Variants in FMN2 observed in about 807,000 individuals in gnomAD.
FMN2 encodes the protein formin-2.
FMN2 carries 51 observed loss-of-function variants against 142.3 expected under a neutral mutation model. That is an observed-to-expected ratio of 0.36 (90% CI 0.29 to 0.45). The LOEUF (loss-of-function observed/expected upper bound fraction) is 0.45, where lower values mean the gene tolerates loss of function less well. Ranked by LOEUF, FMN2 falls within the 20% of genes least tolerant of loss-of-function variation. FMN2 has a pLI of 1.00. For synonymous variants in FMN2, 882 were observed against 869.8 expected (o/e 1.01, Z -0.25); for missense variants, 1,936 against 2,122.8 (o/e 0.91, Z 1.73).
At chr1:240,203,381 T>C (rs1455891639) in intron 4 of FMN2, among the ~76,000 whole-genome samples, 3 of 152,108 alleles carry the variant, frequency 2.0e-5, no homozygotes, top group Non-Finnish European at 4.4e-5. Flanking sequence ...GCAGCACTAG[T>C]CATAATAGCA....
chr1:240,116,980 T>G (rs568039187), intron 1 of FMN2, among the ~76,000 whole-genome samples: 28 of 148,362 alleles, frequency 1.9e-4, no homozygotes, highest in African/African-American at 5.7e-4. Context: ...GTTCTTTCGG[T>G]TTTTTTTTTA....
intron 15 of FMN2, among the ~76,000 whole-genome samples, chr1:240,400,363 A>G (rs554806008): frequency 1.3e-5 from 2 of 152,318 alleles, no homozygotes; most frequent in East Asian, 3.9e-4. Context: ...CAGAACAATA[A>G]GATATGTAAC....
chr1:240,179,663 G>C (rs551668831), intron 3 of FMN2: 3 of 152,366 alleles, frequency 2.0e-5, no homozygotes, highest in South Asian at 4.1e-4. Flanking sequence ...AATCAAGCAA[G>C]TAAAAGGACT....
At chr1:240,116,407 G>A (rs1297149079) in intron 1 of FMN2, among the ~76,000 whole-genome samples, 1 of 152,146 alleles carries the variant, frequency 6.6e-6, no homozygotes, top group East Asian at 1.9e-4. Flanking sequence ...TAAGCTGTGG[G>A]GTGAGCCAGG....
chr1:240,468,238 A>C (rs1676689146), intron 16 of FMN2, among the ~76,000 whole-genome samples: 1 of 127,012 alleles, frequency 7.9e-6, no homozygotes, highest in Non-Finnish European at 1.6e-5. Flanking sequence ...GTGTGTATTC[A>C]CACACACACA....
chr1:240,370,125 C>T (rs1440692955), intron 14 of FMN2, among the ~76,000 whole-genome samples: 4 of 152,108 alleles, frequency 2.6e-5, no homozygotes, highest in Non-Finnish European at 5.9e-5. Flanking sequence ...CTAGGTTTAG[C>T]GATGTCCTGA....
At chr1:240,166,465 G>A (rs1203421831) in intron 2 of FMN2, among the ~76,000 whole-genome samples, 1 of 152,022 alleles carries the variant, frequency 6.6e-6, no homozygotes, top group East Asian at 1.9e-4. Flanking sequence ...TCTGACCTCA[G>A]GCGATCCACC....
intron 13 of FMN2, among the ~76,000 whole-genome samples, chr1:240,337,350 G>A (rs1351165817): frequency 6.6e-6 from 1 of 151,740 alleles, no homozygotes; most frequent in Non-Finnish European, 1.5e-5. Flanking sequence ...CTGAGTAGCT[G>A]GGATTACAGG....
At chr1:240,352,859 C>G (rs912572886) in intron 13 of FMN2, among the ~76,000 whole-genome samples, 1 of 152,156 alleles carries the variant, frequency 6.6e-6, no homozygotes, top group Non-Finnish European at 1.5e-5. Context: ...AATGATACAG[C>G]CCACAGGAAG....
chr1:240,095,996 G>C (rs116208219), intron 1 of FMN2, among the ~76,000 whole-genome samples: 2 of 152,210 alleles, frequency 1.3e-5, no homozygotes, highest in African/African-American at 4.8e-5. Flanking sequence ...TTGTGTAGCA[G>C]CTTCCGTATG....
chr1:240,296,326 A>G (rs919936179), intron 8 of FMN2, among the ~76,000 whole-genome samples: 1 of 151,338 alleles, frequency 6.6e-6, no homozygotes, highest in Non-Finnish European at 1.5e-5. Flanking sequence ...AGAATGTGAC[A>G]TTAAATAATA....
chr1:240,418,357 C>T (rs1431999148), intron 15 of FMN2, among the ~76,000 whole-genome samples: 3 of 151,934 alleles, frequency 2.0e-5, no homozygotes, highest in East Asian at 1.9e-4. Context: ...CCACCACGCC[C>T]GGCTAATTTT....
At chr1:240,365,079 G>GT (rs1553369327) in intron 14 of FMN2, among the ~76,000 whole-genome samples, 1 of 151,992 alleles carries the variant, frequency 6.6e-6, no homozygotes, top group Non-Finnish European at 1.5e-5. Flanking sequence ...AACCAATGTT[G>GT]TATTTCATTT....
rs6429183 is a variant in FMN2 at position 240,124,918 on chromosome 1, G to A, written c.1782+1573G>A. 4.7e-3 allele frequency among the ~76,000 whole-genome samples: 713 copies of A among 152,130 alleles called. 2 individuals carry two copies. The highest frequency in any genetic ancestry group is 0.016 in the African/African-American group (683 of 41,508). ...CCTGACCTCGTGATCCACCCGCCCC[G>A]GCCTCCCAAAGTGCTGGGATTACAG... is the stretch of plus-strand genomic sequence containing the variant. On this transcript the variant is annotated intron_variant, in intron 2 of 17. Transcript: ENST00000319653.
At chr1:240,106,886 G>A (rs1383980152) in intron 1 of FMN2, among the ~76,000 whole-genome samples, 1 of 151,748 alleles carries the variant, frequency 6.6e-6, no homozygotes, top group Non-Finnish European at 1.5e-5. Context: ...GTTTCACCAT[G>A]TTGGCCAGGC....
intron 16 of FMN2, among the ~76,000 whole-genome samples, chr1:240,447,977 A>G (rs1675884555): frequency 6.6e-6 from 1 of 152,180 alleles, no homozygotes; most frequent in Admixed American, 6.5e-5. Flanking sequence ...AGTTGAACAT[A>G]CTGACAACCT....
At chr1:240,326,349 G>C (rs1309863001) in intron 8 of FMN2, among the ~76,000 whole-genome samples, 1 of 152,198 alleles carries the variant, frequency 6.6e-6, no homozygotes, top group Non-Finnish European at 1.5e-5. Flanking sequence ...TGGTCTAATA[G>C]AGTACAAGGT....
chr1:240,220,686 T>C (rs1379513221), intron 6 of FMN2, among the ~76,000 whole-genome samples: 1 of 151,920 alleles, frequency 6.6e-6, no homozygotes, highest in Non-Finnish European at 1.5e-5. Flanking sequence ...TGTGTGTGTG[T>C]GTGTGTGTGT....
intron 15 of FMN2, among the ~76,000 whole-genome samples, chr1:240,396,039 C>G (rs1673759510): frequency 6.6e-6 from 1 of 152,186 alleles, no homozygotes; most frequent in African/African-American, 2.4e-5. Context: ...TCCAATCAAT[C>G]AGTAGTCATC....
Sources: allele counts gnomAD v4.1 joint callset (sites outside exome capture counted in the v4.1 genomes callset), GRCh38; gene constraint gnomAD v4.1.1; transcripts MANE v1.5; gene names NCBI Gene and HGNC (gene_info 2026-07-23, HGNC 2026-07-21).